Variants in SLIT2 observed in about 807,000 individuals in gnomAD.
The protein encoded by SLIT2 is slit guidance ligand 2.
SLIT2 carries 41 observed loss-of-function variants against 185.7 expected under a neutral mutation model. That is an observed-to-expected ratio of 0.22 (90% CI 0.17 to 0.29). SLIT2 has a LOEUF of 0.29. SLIT2 is among the 10% of genes least tolerant of loss of function. SLIT2 has a pLI of 1.00. For missense variants in SLIT2, 1,571 were observed against 1,909.0 expected (o/e 0.82, Z 3.30); for synonymous variants, 693 against 680.2 (o/e 1.02, Z -0.29).
At chr4:20,458,748 G>T (rs186846427) in intron 4 of SLIT2, among the ~76,000 whole-genome samples, 34 of 152,280 alleles carry the variant, frequency 2.2e-4, no homozygotes. Flanking sequence ...TCAAATCCCA[G>T]CTCCGCTGCT....
chr4:20,310,018 C>T (rs1286618984), intron 4 of SLIT2, among the ~76,000 whole-genome samples: 1 of 152,138 alleles, frequency 6.6e-6, no homozygotes, highest in African/African-American at 2.4e-5. Context: ...GCCTCGGCCT[C>T]CCCAAGTGCT....
intron 26 of SLIT2, among the ~76,000 whole-genome samples, chr4:20,560,786 C>T (rs930577906): frequency 1.3e-5 from 2 of 151,766 alleles, no homozygotes; most frequent in East Asian, 3.9e-4. Context: ...GAAGAGTGAA[C>T]AGACTCATGG....
intron 4 of SLIT2, among the ~76,000 whole-genome samples, chr4:20,373,511 T>A (rs553091688): frequency 2.6e-4 from 39 of 151,702 alleles, no homozygotes; most frequent in Non-Finnish European, 4.6e-4. Context: ...ATTTTATCTA[T>A]CCTGTAATAT....
At chr4:20,299,022 A>G (rs144959043) in intron 4 of SLIT2, among the ~76,000 whole-genome samples, 4 of 152,278 alleles carry the variant, frequency 2.6e-5, no homozygotes, top group African/African-American at 9.6e-5. Flanking sequence ...AATTTTTGCA[A>G]TATGTTTTTG....
chr4:20,602,251 T>G (rs933120389), intron 33 of SLIT2, among the ~76,000 whole-genome samples: 1 of 152,212 alleles, frequency 6.6e-6, no homozygotes, highest in African/African-American at 2.4e-5. Context: ...AATATGTGCT[T>G]CTTTCTTTAA....
intron 4 of SLIT2, among the ~76,000 whole-genome samples, chr4:20,312,325 A>G (rs999555626): frequency 1.3e-5 from 2 of 152,182 alleles, no homozygotes; most frequent in Non-Finnish European, 2.9e-5. Context: ...TAAATACATG[A>G]TGTGATTGTA....
chr4:20,497,272 A>G (rs974093541), intron 9 of SLIT2, among the ~76,000 whole-genome samples: 1 of 152,026 alleles, frequency 6.6e-6, no homozygotes, highest in Non-Finnish European at 1.5e-5. Flanking sequence ...GAAAAAAAAA[A>G]ACAGGCTCAA....
Position 20,618,803 on chromosome 4 carries a change from T to C in SLIT2, c.4384T>C (p.Tyr1462His). ...TCGAGGGGAAAGGATAAGAGATTAT[T>C]ACCAAAAGCAGCAGGGCTATGCTGC... ...SCRGERIRDY[Y>H]QKQQGYAACQ... is the part of the protein sequence containing the mutation. The change falls in exon 37 of 37, where the codon TAC (tyrosine) becomes CAC (histidine). Residue 1462 changes from tyrosine to histidine, a missense_variant. This residue lies in a region of SLIT2 where 223 missense variants were observed against 245.2 expected (regional missense o/e 0.91). Coordinates refer to ENST00000504154, the MANE Select transcript of SLIT2 (RefSeq NM_004787.4). 1 of 1,608,540 alleles carries C rather than the reference T, an allele frequency of 6.2e-7. No individual in the cohort carries two copies. Among genetic ancestry groups the C allele is most frequent in the African/African-American group, 1.3e-5 (1 of 74,932 alleles).
At chr4:20,519,905 G>T (rs1317226303) in intron 12 of SLIT2, among the ~76,000 whole-genome samples, 4 of 151,720 alleles carry the variant, frequency 2.6e-5, no homozygotes, top group Non-Finnish European at 5.9e-5. Context: ...GTGGTGGTGG[G>T]CCCCTGTAGT....
At chr4:20,269,095 T>G (rs1339428836) in intron 4 of SLIT2, among the ~76,000 whole-genome samples, 9 of 151,894 alleles carry the variant, frequency 5.9e-5, no homozygotes, top group African/African-American at 2.2e-4. Context: ...ATGTATGTGT[T>G]ATGGAAATTG....
At chr4:20,472,045 A>G (rs1715093746) in intron 5 of SLIT2, among the ~76,000 whole-genome samples, 1 of 151,454 alleles carries the variant, frequency 6.6e-6, no homozygotes, top group South Asian at 2.1e-4. Flanking sequence ...AATATCAACT[A>G]AATTATACTG....
intron 4 of SLIT2, among the ~76,000 whole-genome samples, chr4:20,368,219 C>CAAAAAAAAAAAAAAA (rs71653879): frequency 3.1e-4 from 33 of 107,332 alleles, no homozygotes; most frequent in African/African-American, 6.4e-4. Flanking sequence ...CACAAAATAG[C>CAAAAAAAAAAAAAAA]AAAAAAAAAA....
In SLIT2 at chr4:20,254,681, G is replaced by T. The variant is rs965585921; in HGVS notation, c.179+687G>T. On this transcript the variant is annotated intron_variant, in intron 1 of 36. Coordinates refer to ENST00000504154, the MANE Select transcript of SLIT2 (RefSeq NM_004787.4). The surrounding 1 kb of genome is among the most constrained non-coding windows in gnomAD (Gnocchi z 5.1). The stretch of plus-strand genomic sequence containing the variant: ...TGTCTCAGCGGGCGACTGCGAGGGA[G>T]GACCGTGTCCCATCCGTTAAGCGAA... 2.6e-5 allele frequency among the ~76,000 whole-genome samples: 4 copies of T among 152,110 alleles called. No homozygotes were observed. Among genetic ancestry groups the T allele is most frequent in the African/African-American group, 9.7e-5 (4 of 41,424 alleles).
intron 4 of SLIT2, among the ~76,000 whole-genome samples, chr4:20,402,855 A>G (rs1726469114): frequency 1.3e-5 from 2 of 152,020 alleles, no homozygotes; most frequent in South Asian, 2.1e-4. Flanking sequence ...AGAAGGTAAT[A>G]TAAGTTGAAG....
At chr4:20,403,791 T>A (rs181437114) in intron 4 of SLIT2, among the ~76,000 whole-genome samples, 44 of 151,920 alleles carry the variant, frequency 2.9e-4, no homozygotes, top group Non-Finnish European at 3.8e-4. Context: ...CAGGTGCAGA[T>A]CTTACATAAA....
intron 4 of SLIT2, among the ~76,000 whole-genome samples, chr4:20,370,105 G>C (rs1426368680): frequency 6.6e-6 from 1 of 152,026 alleles, no homozygotes; most frequent in Non-Finnish European, 1.5e-5. Context: ...ATTTTAGCAA[G>C]CTCTTCAGGT....
chr4:20,571,503 G>A (rs1725602146), intron 29 of SLIT2, among the ~76,000 whole-genome samples: 1 of 152,114 alleles, frequency 6.6e-6, no homozygotes, highest in Non-Finnish European at 1.5e-5. Context: ...ACAACCATCT[G>A]CGGATTTTGA....
intron 30 of SLIT2, among the ~76,000 whole-genome samples, chr4:20,591,562 C>G (rs1413989512): frequency 6.6e-6 from 1 of 151,490 alleles, no homozygotes; most frequent in Non-Finnish European, 1.5e-5. Flanking sequence ...AGTTTACAAC[C>G]CTAGGCAAAA....
intron 33 of SLIT2, among the ~76,000 whole-genome samples, chr4:20,601,134 T>C (rs1314607552): frequency 1.3e-5 from 2 of 152,172 alleles, no homozygotes; most frequent in African/African-American, 4.8e-5. Context: ...TACCATTTTA[T>C]ATCCATTTGA....
Sources: gnomAD v4.1 joint callset for allele counts (sites outside exome capture counted in the v4.1 genomes callset) on GRCh38, gnomAD v4.1.1 for gene constraint, gnomAD v4.1.1 regional missense constraint, Gnocchi (gnomAD v3.1) non-coding constraint, MANE v1.5 for transcripts, NCBI Gene and HGNC (gene_info 2026-07-23, HGNC 2026-07-21) for gene names.